Variants in KSR1 observed in about 807,000 individuals in gnomAD.
KSR1 encodes the protein kinase suppressor of ras.
In KSR1, 35 loss-of-function variants were observed where a neutral mutation model predicts 92.9. That is an observed-to-expected ratio of 0.38 (90% confidence interval 0.29 to 0.50). The LOEUF (loss-of-function observed/expected upper bound fraction) is 0.50, where lower values mean the gene tolerates loss of function less well. Among genes scored for constraint, KSR1 ranks in the 20% least tolerant of loss-of-function variants. The pLI is 0.94. For missense variants in KSR1, 972 were observed against 1,158.5 expected, an observed-to-expected ratio of 0.84 and a Z score of 2.34; for synonymous variants, 467 against 472.6, an observed-to-expected ratio of 0.99 and a Z score of 0.15.
chr17:27,538,645 G>T (rs1271060574), intron 1 of KSR1, among the ~76,000 whole-genome samples: 1 of 152,200 alleles, frequency 6.6e-6, no homozygotes, highest in African/African-American at 2.4e-5. Context: ...ACTGAGACCA[G>T]TTCATCACTG....
intron 1 of KSR1, among the ~76,000 whole-genome samples, chr17:27,535,778 G>A (rs1416099940): frequency 6.6e-6 from 1 of 152,238 alleles, no homozygotes; most frequent in Non-Finnish European, 1.5e-5. Context: ...TCTTCACAGT[G>A]ATCTTTTGAG....
intron 1 of KSR1, among the ~76,000 whole-genome samples, chr17:27,508,152 G>A (rs1323291929): frequency 6.6e-6 from 1 of 152,170 alleles, no homozygotes; most frequent in Non-Finnish European, 1.5e-5. Flanking sequence ...TGGGGTCTTG[G>A]GTCAGCAAGT....
chr17:27,594,210 C>T (rs554631746), intron 9 of KSR1, among the ~76,000 whole-genome samples: 3 of 152,154 alleles, frequency 2.0e-5, no homozygotes, highest in Non-Finnish European at 4.4e-5. Flanking sequence ...GCTTCATTCA[C>T]AGGGTATTTG....
At chr17:27,536,061 G>A (rs972829076) in intron 1 of KSR1, among the ~76,000 whole-genome samples, 3 of 152,244 alleles carry the variant, frequency 2.0e-5, no homozygotes, top group Non-Finnish European at 4.4e-5. Context: ...TACTGTTGGA[G>A]CAGCGGCTTG....
chr17:27,557,258 A>G (rs1465203592), intron 2 of KSR1, among the ~76,000 whole-genome samples: 1 of 152,234 alleles, frequency 6.6e-6, no homozygotes, highest in African/African-American at 2.4e-5. Flanking sequence ...CTCAGACTGC[A>G]GAGATTGGCA....
Position 27,623,320 on chromosome 17 carries a change from C to T in KSR1, c.2715C>T (p.Asn905=), listed in dbSNP as rs2074276068. The part of the protein sequence containing the change: ...SSCPILEEYI[N]SSKVVPRFER... ...TTTTTGTTCCTCTTTGCAGCATTAA[C>T]AGCAGCAAAGTTGTACCCCGGTTTG... The change falls in exon 21 of 21, where the codon AAC becomes AAT. Residue 905 remains asparagine, a synonymous_variant. Transcript: ENST00000644974. The T allele has an allele frequency of 2.6e-6, 2 of 764,870 alleles. No homozygotes were observed. Among genetic ancestry groups the T allele is most frequent in the African/African-American group, 3.4e-5 (2 of 59,142 alleles). The allele number at this position is 764,870 out of a possible 1,614,324, so 47.4% of individuals were successfully genotyped here. A position where few individuals can be genotyped will look rare whatever the true frequency, so the allele number is the denominator to read the frequency against.
At position 27,597,388 on chromosome 17, in the gene KSR1, C is replaced by T; in HGVS notation, c.1420C>T (p.Pro474Ser). 2 of 1,613,012 alleles carry T rather than the reference C, an allele frequency of 1.2e-6. No individual in the cohort carries two copies. Among genetic ancestry groups the T allele is most frequent in the Non-Finnish European group, 1.7e-6 (2 of 1,179,326 alleles). Residue 474 changes from proline to serine, a missense_variant, in exon 10 of 21, where the codon CCC becomes TCC. Coordinates refer to ENST00000644974, the MANE Select transcript of KSR1 (RefSeq NM_001394583.1). The stretch of plus-strand genomic sequence containing the variant: ...ATCCAACCCATCCAGCGCCACCACG[C>T]CCCCCAACCCCTCACCTGGCCAGCG... ...TSSNPSSATT[P>S]PNPSPGQRDS...
intron 1 of KSR1, among the ~76,000 whole-genome samples, chr17:27,517,642 T>C (rs1408145532): frequency 6.6e-6 from 1 of 152,268 alleles, no homozygotes; most frequent in Non-Finnish European, 1.5e-5. Context: ...ATGAGTGTTA[T>C]TGAGTACCGC....
At chr17:27,471,024 T>G (rs2019971692) in intron 1 of KSR1, among the ~76,000 whole-genome samples, 1 of 152,010 alleles carries the variant, frequency 6.6e-6, no homozygotes, top group African/African-American at 2.4e-5. Context: ...GCACGCACAC[T>G]ACACCCAGCT....
intron 2 of KSR1, among the ~76,000 whole-genome samples, chr17:27,552,386 A>G (rs2071426172): frequency 6.6e-6 from 1 of 152,204 alleles, no homozygotes; most frequent in Admixed American, 6.5e-5. Flanking sequence ...CTATTTATTT[A>G]CTGAATAAGT....
intron 1 of KSR1, among the ~76,000 whole-genome samples, chr17:27,532,465 C>T (rs777001230): frequency 4.6e-5 from 7 of 152,246 alleles, no homozygotes; most frequent in Non-Finnish European, 8.8e-5. Context: ...GCACTTGAGA[C>T]TGACTTGCCC....
intron 1 of KSR1, among the ~76,000 whole-genome samples, chr17:27,466,362 T>G (rs2019693672): frequency 6.6e-6 from 1 of 152,188 alleles, no homozygotes; most frequent in African/African-American, 2.4e-5. Flanking sequence ...AAATAGGGTG[T>G]CTCCTGGGCA....
intron 7 of KSR1, 110 bp from the exon 8 acceptor site, chr17:27,592,251 A>G (rs1471222083): frequency 1.3e-6 from 1 of 792,942 alleles, no homozygotes; most frequent in Non-Finnish European, 2.1e-6. Flanking sequence ...ATTTGTTGAG[A>G]AGTGTGTGAA....
intron 1 of KSR1, among the ~76,000 whole-genome samples, chr17:27,485,635 C>T (rs998209042): frequency 1.2e-4 from 18 of 152,306 alleles, no homozygotes; most frequent in African/African-American, 3.8e-4. Flanking sequence ...TTATTTTCCT[C>T]TTGGTACTTT....
chr17:27,485,689 G>A (rs576201406), intron 1 of KSR1, among the ~76,000 whole-genome samples: 1 of 152,060 alleles, frequency 6.6e-6, no homozygotes, highest in African/African-American at 2.4e-5. Context: ...TGTCTCACGT[G>A]TTGGGGGCAA....
At chr17:27,555,612 C>A (rs1376928949) in intron 2 of KSR1, among the ~76,000 whole-genome samples, 1 of 152,170 alleles carries the variant, frequency 6.6e-6, no homozygotes. Flanking sequence ...TTTTTACTAA[C>A]CCCACTTCTA....
At chr17:27,575,745 G>A (rs1003229948) in intron 2 of KSR1, among the ~76,000 whole-genome samples, 7 of 152,166 alleles carry the variant, frequency 4.6e-5, no homozygotes, top group African/African-American at 4.8e-5. Flanking sequence ...AGAGGAAAGG[G>A]CACAAGTTTT....
At chr17:27,578,066 G>T in intron 3 of KSR1, 1 of 302,142 alleles carries the variant, frequency 3.3e-6, no homozygotes, top group South Asian at 2.7e-5. Flanking sequence ...GGTGATTAGG[G>T]AAACTCTATG....
rs767455819 is a variant in KSR1 at position 27,456,868 on chromosome 17, C to T, written c.225C>T (p.Thr75=). The part of the protein sequence containing the change: ...SNDLTQQEIR[T]LEAKLVRYIC... ...ACCTCACCCAGCAGGAGATACGGAC[C>T]CTGGAGGTAAGTGGGTCGGGGACCA... Residue 75 remains threonine, a synonymous_variant, in exon 1 of 21, where the codon ACC becomes ACT. Coordinates refer to ENST00000644974, the MANE Select transcript of KSR1 (RefSeq NM_001394583.1). The T allele has an allele frequency of 6.3e-6, 6 of 946,750 alleles. No homozygotes were observed. Among genetic ancestry groups the T allele is most frequent in the Non-Finnish European group, 1.0e-5 (6 of 586,764 alleles). 58.6% of individuals were successfully genotyped at this position (946,750 alleles called of 1,614,324 possible).
Sources: gnomAD v4.1 joint callset for allele counts (sites outside exome capture counted in the v4.1 genomes callset) on GRCh38, gnomAD v4.1.1 for gene constraint, MANE v1.5 for transcripts, NCBI Gene and HGNC (gene_info 2026-07-23, HGNC 2026-07-21) for gene names.